NFX1: variants seen among roughly 807,000 people sequenced by gnomAD.
NFX1 encodes the protein nuclear transcription factor, X-box binding 1.
A neutral mutation model predicts 137.2 loss-of-function variants in NFX1; 69 were observed. The ratio of observed to expected loss-of-function variants is 0.50; its 90% CI spans 0.41 to 0.61. The LOEUF is 0.61. Ranked by LOEUF, NFX1 falls within the 20% of genes least tolerant of loss-of-function variation. The pLI is 0.00. For missense variants in NFX1, 1,167 were observed against 1,391.0 expected (o/e 0.84, Z 2.56); for synonymous variants, 495 against 474.1 (o/e 1.04, Z -0.57).
Position 33,302,688 on chromosome 9 carries a change from G to A in NFX1, c.1193-503G>A, listed in dbSNP as rs1373153881. Among the ~76,000 whole-genome samples the A allele has an allele frequency of 2.4e-4, 34 of 140,968 alleles. 1 individual carries two copies. Among genetic ancestry groups the A allele is most frequent in the Non-Finnish European group, 6.2e-5 (4 of 64,634 alleles). The allele number at this position is 140,968 out of a possible 152,430, so 92.5% of individuals were successfully genotyped here. ...TTTTGTTTGTTTTTGTTTTTTTTTT[G>A]AGAGGGAGTCTCACTCTGTTGCCCA... On this transcript the variant is annotated intron_variant, in intron 3 of 23. Coordinates refer to ENST00000379540, the MANE Select transcript of NFX1 (RefSeq NM_002504.6).
chr9:33,311,213 T>C (rs748994943), intron 6 of NFX1, 36 bp downstream of exon 6: 53 of 1,550,782 alleles, frequency 3.4e-5, no homozygotes, highest in Non-Finnish European at 4.7e-5. Flanking sequence ...AAGACCTCAG[T>C]TTTCACATGC....
At chr9:33,290,656 G>A in intron 1 of NFX1, 59 bp downstream of exon 1, 1 of 1,557,776 alleles carries the variant, frequency 6.4e-7, no homozygotes, top group South Asian at 1.1e-5. Context: ...TTGGGTCAGT[G>A]ACGAAGTTCT....
chr9:33,353,565 C>T (rs1211942600), intron 17 of NFX1, among the ~76,000 whole-genome samples: 1 of 152,082 alleles, frequency 6.6e-6, no homozygotes, highest in South Asian at 2.1e-4. Context: ...GATTGAGTCA[C>T]CTCATCGCTT....
intron 3 of NFX1, among the ~76,000 whole-genome samples, chr9:33,302,151 A>G (rs1821591625): frequency 6.6e-6 from 1 of 152,162 alleles, no homozygotes. Flanking sequence ...TATGGGGTAC[A>G]CATGATATTT....
At chr9:33,368,473 CTG>C (rs956609785) in intron 23 of NFX1, among the ~76,000 whole-genome samples, 2 of 152,148 alleles carry the variant, frequency 1.3e-5, no homozygotes, top group Non-Finnish European at 2.9e-5. Flanking sequence ...AGTTGGGTGA[CTG>C]TTGGGCTTTA....
intron 1 of NFX1, 46 bp from the exon 2 acceptor site, chr9:33,294,374 A>G (rs761896436): frequency 8.4e-5 from 125 of 1,493,934 alleles, no homozygotes; most frequent in Non-Finnish European, 1.1e-4. Flanking sequence ...AGTTTCATGG[A>G]TGAAGTTTAA....
intron 5 of NFX1, among the ~76,000 whole-genome samples, chr9:33,308,994 A>G (rs910724102): frequency 6.6e-6 from 1 of 152,164 alleles, no homozygotes; most frequent in South Asian, 2.1e-4. Flanking sequence ...CTGCTCGCAT[A>G]GGTCCTTCCT....
rs117847114 is a variant in NFX1 at position 33,316,294 on chromosome 9, C to G, written c.1589-2437C>G. On this transcript the variant is annotated intron_variant, in intron 7 of 23. Transcript: ENST00000379540. ...CAGGAAGTGCAGAAAAGCTCTCTAT[C>G]CTGGTACTTACCAAGCCTTTTTTTT... is the stretch of plus-strand genomic sequence containing the variant. 1.7e-3 allele frequency among the ~76,000 whole-genome samples: 259 copies of G among 151,854 alleles called. 1 individual carries two copies. The highest frequency in any genetic ancestry group is 0.01 in the Middle Eastern group (3 of 292).
intron 19 of NFX1, among the ~76,000 whole-genome samples, chr9:33,362,477 T>C (rs1217216628): frequency 6.6e-6 from 1 of 152,070 alleles, no homozygotes; most frequent in Non-Finnish European, 1.5e-5. Flanking sequence ...TGGATGGACC[T>C]GGAGGACATC....
chr9:33,362,811 C>A (rs1824043544), intron 19 of NFX1, among the ~76,000 whole-genome samples: 1 of 144,328 alleles, frequency 6.9e-6, no homozygotes, highest in Admixed American at 7.4e-5. Flanking sequence ...TCAAGCGATT[C>A]TCCTGCCCCA....
At chr9:33,299,980 A>T (rs1438387831) in intron 2 of NFX1, among the ~76,000 whole-genome samples, 1 of 151,944 alleles carries the variant, frequency 6.6e-6, no homozygotes, top group Non-Finnish European at 1.5e-5. Context: ...TTGACTTTTA[A>T]ATTTCTAGTT....
chr9:33,315,043 C>A (rs971614210), intron 7 of NFX1, among the ~76,000 whole-genome samples: 4 of 152,042 alleles, frequency 2.6e-5, no homozygotes, highest in African/African-American at 9.7e-5. Flanking sequence ...TCCATTACTG[C>A]AATCTAGAAA....
At chr9:33,342,168 A>G (rs932946400) in intron 12 of NFX1, among the ~76,000 whole-genome samples, 3 of 141,196 alleles carry the variant, frequency 2.1e-5, no homozygotes, top group African/African-American at 8.1e-5. Flanking sequence ...AAAATAAAAT[A>G]TATTTTTTTA....
At chr9:33,359,301 A>G (rs952586313) in intron 19 of NFX1, among the ~76,000 whole-genome samples, 3 of 151,734 alleles carry the variant, frequency 2.0e-5, no homozygotes, top group African/African-American at 7.3e-5. Flanking sequence ...GAGGGTGGTA[A>G]TAATAGATAT....
At chr9:33,360,447 G>T (rs1823952032) in intron 19 of NFX1, among the ~76,000 whole-genome samples, 1 of 152,176 alleles carries the variant, frequency 6.6e-6, no homozygotes. Flanking sequence ...TAGGTACTCA[G>T]TAAATGTTAT....
chr9:33,310,226 C>G (rs1352916115), intron 5 of NFX1, among the ~76,000 whole-genome samples: 1 of 152,170 alleles, frequency 6.6e-6, no homozygotes, highest in Non-Finnish European at 1.5e-5. Context: ...ACAGCAAATT[C>G]TGTTACCCAT....
At chr9:33,342,242 A>T (rs1443537549) in intron 12 of NFX1, among the ~76,000 whole-genome samples, 1 of 152,080 alleles carries the variant, frequency 6.6e-6, no homozygotes, top group East Asian at 1.9e-4. Flanking sequence ...TGGGCGGATC[A>T]TGAGGTCAGG....
At chr9:33,367,006 G>C (rs1234846051) in intron 22 of NFX1, among the ~76,000 whole-genome samples, 2 of 152,248 alleles carry the variant, frequency 1.3e-5, no homozygotes, top group Non-Finnish European at 2.9e-5. Context: ...TGTCACATCT[G>C]CCTACAGTCA....
At chr9:33,290,619 G>A in intron 1 of NFX1, 22 bp downstream of exon 1, 3 of 1,600,722 alleles carry the variant, frequency 1.9e-6, no homozygotes, top group Non-Finnish European at 2.6e-6. Context: ...GCCCGAGCGG[G>A]ACTGGGCCCC....
Sources: allele counts gnomAD v4.1 joint callset (sites outside exome capture counted in the v4.1 genomes callset), GRCh38; gene constraint gnomAD v4.1.1; transcripts MANE v1.5; gene names NCBI Gene and HGNC (gene_info 2026-07-23, HGNC 2026-07-21).